Variants in FBXO38 observed in about 807,000 individuals in gnomAD.
FBXO38 encodes the protein F-box protein 38.
A neutral mutation model predicts 131.9 loss-of-function variants in FBXO38; 53 were observed. That is an observed-to-expected ratio of 0.40 (90% confidence interval 0.32 to 0.51). The LOEUF (loss-of-function observed/expected upper bound fraction) is 0.51. Ranked by LOEUF, FBXO38 falls within the 20% of genes least tolerant of loss-of-function variation. The pLI is 0.53. For missense variants in FBXO38, 1,076 were observed against 1,475.6 expected (o/e 0.73, Z 4.44); for synonymous variants, 452 against 505.6 (o/e 0.89, Z 1.42).
intron 3 of FBXO38, among the ~76,000 whole-genome samples, chr5:148,400,007 T>C (rs1383039865): frequency 1.3e-5 from 2 of 151,966 alleles, no homozygotes; most frequent in African/African-American, 4.8e-5. Context: ...CAGAACAGAT[T>C]AGCTCTGGAA....
chr5:148,399,399 G>C (rs769951346), intron 3 of FBXO38: 1 of 418,762 alleles, frequency 2.4e-6, no homozygotes, highest in African/African-American at 2.0e-5. Context: ...TGGAGAACAT[G>C]AGCCTTTGGT....
chr5:148,418,607 C>T (rs1753207590), intron 12 of FBXO38, among the ~76,000 whole-genome samples: 1 of 152,174 alleles, frequency 6.6e-6, no homozygotes, highest in Non-Finnish European at 1.5e-5. Context: ...TGTCTCTTTG[C>T]TTTGTTGTCC....
chr5:148,408,124 A>G (rs1455583353), intron 7 of FBXO38, among the ~76,000 whole-genome samples: 1 of 152,208 alleles, frequency 6.6e-6, no homozygotes, highest in African/African-American at 2.4e-5. Context: ...TGAAAAAACG[A>G]TAAAAGTTTA....
At chr5:148,421,617 A>G (rs1018012170) in intron 12 of FBXO38, among the ~76,000 whole-genome samples, 2 of 152,144 alleles carry the variant, frequency 1.3e-5, no homozygotes, top group African/African-American at 4.8e-5. Context: ...CTAAGTTAGC[A>G]TACATATATA....
In FBXO38 at chr5:148,414,120, TGATTGCTC is replaced by T; in HGVS notation, c.1094-15_1094-8del. On this transcript the variant is annotated splice_polypyrimidine_tract_variant and splice_region_variant and intron_variant, in intron 9 of 21. Coordinates refer to ENST00000340253, the MANE Select transcript of FBXO38 (RefSeq NM_205836.3). Reference sequence around the variant, plus strand: ...GAATTTGACTTTTTTTTTTTTTAATTGATTGCTCTTTTTAGGCAGAATGGCTAATGCGG... The same window carrying T: ...GAATTTGACTTTTTTTTTTTTTAATTTTTTTAGGCAGAATGGCTAATGCGG... 3.8e-6 allele frequency: 6 copies of T among 1,578,064 alleles called. No individual in the cohort carries two copies. In the Admixed American group the frequency reaches 5.9e-5, roughly 15 times the overall value.
Position 148,427,616 on chromosome 5 carries a change from C to T in FBXO38, c.2322C>T (p.Pro774=). Residue 774 remains proline, a synonymous_variant, in exon 15 of 22, where the codon CCC becomes CCT. Coordinates refer to ENST00000340253, the MANE Select transcript of FBXO38 (RefSeq NM_205836.3). ...EEGDAESSVC[P]RCCCHRPQES... The stretch of plus-strand genomic sequence containing the variant: ...GAGATGCAGAGAGTTCTGTCTGCCC[C>T]AGATGCTGCTGTCACAGGCCCCAGG... The T allele has an allele frequency of 6.2e-7, 1 of 1,614,196 alleles. No individual in the cohort carries two copies. The highest frequency in any genetic ancestry group is 8.5e-7 in the Non-Finnish European group (1 of 1,180,034).
intron 5 of FBXO38, 85 bp downstream of exon 5, chr5:148,402,598 T>A: frequency 8.5e-7 from 1 of 1,177,242 alleles, no homozygotes; most frequent in Non-Finnish European, 1.2e-6. Context: ...AATGAGAATT[T>A]TAGAGATGGC....
intron 12 of FBXO38, among the ~76,000 whole-genome samples, chr5:148,418,311 C>A (rs1452520583): frequency 6.6e-6 from 1 of 152,150 alleles, no homozygotes; most frequent in South Asian, 2.1e-4. Flanking sequence ...CTCCTGTATT[C>A]CACTTTTGTC....
chr5:148,415,832 A>T, intron 10 of FBXO38, 96 bp from the exon 11 acceptor site: 1 of 1,293,364 alleles, frequency 7.7e-7, no homozygotes. Context: ...ATTTTAAAAA[A>T]AAGGATTTGA....
At position 148,434,475 on chromosome 5, in the gene FBXO38, G is replaced by A. The variant is rs1216857447; in HGVS notation, c.2857+738G>A. 4.0e-5 allele frequency: 6 copies of A among 151,844 alleles called. No individual in the cohort carries two copies. In the South Asian group the frequency reaches 1.2e-3, roughly 32 times the overall value. The allele number at this position is 151,844 out of a possible 1,614,324, so 9.4% of individuals were successfully genotyped here. A position where few individuals can be genotyped will look rare whatever the true frequency, so the allele number is the denominator to read the frequency against. ...AAGATCTGACTTATTTACTTGCCTTGGGCAAGTTATATAATTTTCTGTCTT... is the reference window on the plus strand; with the variant it reads ...AAGATCTGACTTATTTACTTGCCTTAGGCAAGTTATATAATTTTCTGTCTT... On this transcript the variant is annotated intron_variant, in intron 17 of 21. Transcript: ENST00000340253.
intron 12 of FBXO38, among the ~76,000 whole-genome samples, chr5:148,419,727 G>A (rs1753292513): frequency 6.6e-6 from 1 of 152,038 alleles, no homozygotes; most frequent in Non-Finnish European, 1.5e-5. Flanking sequence ...GGGTGACAGA[G>A]GGAGACCCGG....
intron 12 of FBXO38, among the ~76,000 whole-genome samples, chr5:148,421,993 A>C (rs1324839278): frequency 6.6e-6 from 1 of 150,594 alleles, no homozygotes; most frequent in Non-Finnish European, 1.5e-5. Flanking sequence ...ACATCTCTCC[A>C]GTATGCCTAC....
Position 148,427,840 on chromosome 5 carries a change from G to A in FBXO38, c.2546G>A (p.Ser849Asn), listed in dbSNP as rs1385475308. 2 of 1,600,330 alleles carry A rather than the reference G, an allele frequency of 1.2e-6. No individual in the cohort carries two copies. Residue 849 changes from serine (S) to asparagine (N), a missense_variant, in exon 15 of 22, where the codon AGC (serine) becomes AAC (asparagine). By Grantham distance (46) the Ser-to-Asn change is conservative. Around this residue, in one of 8 missense-constraint regions of FBXO38, gnomAD observed 213 missense variants for 225.2 expected, o/e 0.95. Transcript: ENST00000340253. ...SGATGEDRRG[S>N]SQPESCDVQS... ...GCTACAGGTGAGGACAGGAGGGGGA[G>A]CTCCCAGCCTGAGAGTTGTGACGTG...
intron 5 of FBXO38, 101 bp downstream of exon 5, chr5:148,402,614 T>C (rs1333579827): frequency 2.3e-5 from 23 of 999,622 alleles, no homozygotes; most frequent in Middle Eastern, 3.5e-4. Context: ...ATGGCTTTGT[T>C]GATTGATGAT....
intron 2 of FBXO38, 48 bp from the exon 3 acceptor site, chr5:148,398,951 A>G (rs376302135): frequency 6.2e-7 from 1 of 1,606,466 alleles, no homozygotes; most frequent in Non-Finnish European, 8.5e-7. Flanking sequence ...ACTGGTGAGA[A>G]GTAATACTTA....
At chr5:148,434,735 ATAGTC>A (rs1367422242) in intron 17 of FBXO38, 12 of 152,222 alleles carry the variant, frequency 7.9e-5, no homozygotes, top group Non-Finnish European at 1.3e-4. Context: ...CGTTTATACT[ATAGTC>A]TATTATATGT....
chr5:148,389,255 T>C (rs1024898244), intron 1 of FBXO38, among the ~76,000 whole-genome samples: 16 of 152,186 alleles, frequency 1.1e-4, no homozygotes, highest in Non-Finnish European at 2.2e-4. Flanking sequence ...TGAAAGGATA[T>C]GAAATATTGT....
chr5:148,440,921 T>C (rs966349585), intron 20 of FBXO38, among the ~76,000 whole-genome samples: 1 of 152,220 alleles, frequency 6.6e-6, no homozygotes, highest in African/African-American at 2.4e-5. Context: ...TATGAGTCTT[T>C]ACTATTTCTA....
intron 2 of FBXO38, chr5:148,397,594 A>G (rs1581230688): frequency 6.6e-6 from 1 of 152,322 alleles, no homozygotes; most frequent in African/African-American, 2.4e-5. Context: ...ATTTTGTATA[A>G]TATTTGATTT....
Sources: gnomAD v4.1 joint callset for allele counts (sites outside exome capture counted in the v4.1 genomes callset) on GRCh38, gnomAD v4.1.1 for gene constraint, gnomAD v4.1.1 regional missense constraint, MANE v1.5 for transcripts, NCBI Gene and HGNC (gene_info 2026-07-23, HGNC 2026-07-21) for gene names.